The following ULK2 variants were observed in gnomAD, a reference collection of about 807,000 sequenced individuals.
ULK2 encodes unc-51 like autophagy activating kinase 2, also known as serine/threonine-protein kinase ULK2.
A neutral mutation model predicts 127.5 loss-of-function variants in ULK2; 76 were observed. The observed-to-expected ratio is 0.60, with a 90% CI of 0.50 to 0.72. ULK2 has a LOEUF of 0.72. Among genes scored for constraint, ULK2 ranks in the 30% least tolerant of loss-of-function variants. ULK2 has a pLI of 0.00. For missense variants in ULK2, 1,144 were observed against 1,295.9 expected (o/e 0.88, Z 1.80); for synonymous variants, 452 against 461.9 (o/e 0.98, Z 0.28).
At position 19,785,984 on chromosome 17, in the gene ULK2, G is replaced by T. The variant is rs763440812; in HGVS notation, c.2204C>A (p.Ala735Glu). The change falls in exon 21 of 27, where the codon GCA (alanine) becomes GAA (glutamate). Residue 735 changes from alanine to glutamate, a missense_variant. Physicochemically the swap from Ala to Glu is moderately radical, Grantham distance 107 (BLOSUM62 -1). Coordinates refer to ENST00000395544, the MANE Select transcript of ULK2 (RefSeq NM_014683.4). The stretch of plus-strand genomic sequence containing the variant: ...GAACATGTGGGTACAAGTGGGGGCT[G>T]CCGCACTGTGTGGAGGAGACCCTAC... ...FTVGSPPHSAAAPTCTHMFLR... is the reference protein window; with the variant it reads ...FTVGSPPHSAEAPTCTHMFLR... 1 of 1,596,042 alleles carries T rather than the reference G, an allele frequency of 6.3e-7. No individual in the cohort carries two copies.
At chr17:19,856,602 T>C (rs966811664) in intron 3 of ULK2, among the ~76,000 whole-genome samples, 3 of 149,850 alleles carry the variant, frequency 2.0e-5, no homozygotes, top group South Asian at 2.1e-4. Flanking sequence ...AAAAAAAAGT[T>C]TGAAATTCAC....
intron 16 of ULK2, 25 bp downstream of exon 16, chr17:19,801,752 A>G: frequency 6.2e-7 from 1 of 1,607,550 alleles, no homozygotes; most frequent in Non-Finnish European, 8.5e-7. Flanking sequence ...AAGGTTGAAA[A>G]CAACTGTTTT....
rs12452420 is a variant in ULK2, at chr17:19,836,818, T to A, written c.787+1683A>T. Among the ~76,000 whole-genome samples, 3 of 150,452 alleles carry A rather than the reference T, an allele frequency of 2.0e-5. No individual in the cohort carries two copies. In the East Asian group the frequency reaches 5.9e-4, roughly 30 times the overall value. On this transcript the variant is annotated intron_variant, in intron 10 of 26. Transcript: ENST00000395544. ...CTACTCGGGAGGCTGAGGCAGAGAA[T>A]TGCCTGAACCCAGGAGGCGGAAGTT...
At chr17:19,826,818 A>G (rs1046653932) in intron 10 of ULK2, among the ~76,000 whole-genome samples, 7 of 152,118 alleles carry the variant, frequency 4.6e-5, no homozygotes, top group Non-Finnish European at 8.8e-5. Flanking sequence ...TTAGCTGGGC[A>G]TGGCGGCCGG....
intron 7 of ULK2, 85 bp from the exon 8 acceptor site, chr17:19,843,307 C>T (rs180779019): frequency 1.2e-6 from 1 of 856,716 alleles, no homozygotes; most frequent in African/African-American, 1.8e-5. Context: ...AAAGGTGACA[C>T]TTCTAACAAA....
intron 26 of ULK2, among the ~76,000 whole-genome samples, chr17:19,776,904 G>C (rs1163050072): frequency 6.6e-6 from 1 of 152,102 alleles, no homozygotes; most frequent in African/African-American, 2.4e-5. Context: ...ACGAACACTT[G>C]CCAACAAAGT....
chr17:19,798,564 C>A (rs1472028707), intron 17 of ULK2, among the ~76,000 whole-genome samples: 1 of 152,196 alleles, frequency 6.6e-6, no homozygotes, highest in East Asian at 1.9e-4. Context: ...TTGCTATTGA[C>A]CACTTCTGGC....
At chr17:19,813,783 T>C (rs2040899887) in intron 13 of ULK2, among the ~76,000 whole-genome samples, 1 of 152,106 alleles carries the variant, frequency 6.6e-6, no homozygotes, top group Admixed American at 6.6e-5. Flanking sequence ...TAAAAATGTA[T>C]CAAAACACAT....
At chr17:19,812,342 C>T (rs1333271181) in intron 13 of ULK2, among the ~76,000 whole-genome samples, 3 of 152,094 alleles carry the variant, frequency 2.0e-5, no homozygotes, top group African/African-American at 2.4e-5. Flanking sequence ...TTTATTTCAC[C>T]GTAGTAACCA....
intron 20 of ULK2, among the ~76,000 whole-genome samples, chr17:19,792,058 T>C (rs1043201882): frequency 2.6e-5 from 4 of 151,906 alleles, no homozygotes; most frequent in Non-Finnish European, 5.9e-5. Context: ...ATACTAAACC[T>C]ATGGGATTAC....
At chr17:19,810,467 C>T (rs377006490) in intron 13 of ULK2, 29 bp from the exon 14 acceptor site, 43 of 1,447,846 alleles carry the variant, frequency 3.0e-5, no homozygotes, top group Non-Finnish European at 4.0e-5. Flanking sequence ...CAATCAGTTC[C>T]TGTTATACCA....
chr17:19,776,375 GC>G lies in ULK2; in HGVS notation c.3084del (p.Leu1029SerfsTer41), dbSNP rs1351107814. ...CACACGGTTGCGGTGCTATGGCAGAGCGCCGACAGTCTTCTCTCAATACTAC... is the reference window on the plus strand; with the variant it reads ...CACACGGTTGCGGTGCTATGGCAGAGGCCGACAGTCTTCTCTCAATACTAC... ...YKCSIERRLS[A>X]LCHSTATV On this transcript the variant is annotated frameshift_variant, in exon 27 of 27. Transcript: ENST00000395544. LOFTEE classifies it high-confidence loss of function. 1 of 1,605,540 alleles carries G rather than the reference GC, an allele frequency of 6.2e-7. No homozygotes were observed. Among genetic ancestry groups the G allele is most frequent in the African/African-American group, 1.3e-5 (1 of 74,676 alleles).
chr17:19,845,264 G>A, intron 7 of ULK2, 40 bp downstream of exon 7: 2 of 1,540,746 alleles, frequency 1.3e-6, no homozygotes, highest in Non-Finnish European at 9.0e-7. Flanking sequence ...TGATTATGGA[G>A]CCATGCTTTA....
At chr17:19,861,472 G>T (rs1231456959) in intron 3 of ULK2, among the ~76,000 whole-genome samples, 1 of 152,098 alleles carries the variant, frequency 6.6e-6, no homozygotes, top group African/African-American at 2.4e-5. Context: ...GTGAACCCAG[G>T]AGGCGAAGCT....
chr17:19,861,312 C>T (rs1156262093), intron 3 of ULK2, among the ~76,000 whole-genome samples: 1 of 152,008 alleles, frequency 6.6e-6, no homozygotes, highest in African/African-American at 2.4e-5. Flanking sequence ...TTTGGGAGGC[C>T]GAGGTGGGCG....
At chr17:19,859,974 C>T (rs556588887) in intron 3 of ULK2, among the ~76,000 whole-genome samples, 20 of 152,254 alleles carry the variant, frequency 1.3e-4, no homozygotes, top group African/African-American at 4.8e-4. Flanking sequence ...CCATGCCTGG[C>T]TCATAATTGG....
intron 10 of ULK2, among the ~76,000 whole-genome samples, chr17:19,837,370 A>T (rs2041624367): frequency 6.6e-6 from 1 of 151,994 alleles, no homozygotes; most frequent in South Asian, 2.1e-4. Context: ...GCAGTGAGCC[A>T]TGATAGTACC....
chr17:19,816,261 C>CCA (rs1373041568), intron 13 of ULK2, among the ~76,000 whole-genome samples: 1 of 152,122 alleles, frequency 6.6e-6, no homozygotes, highest in Non-Finnish European at 1.5e-5. Flanking sequence ...TTTTCTGGTA[C>CCA]CCTTCACTAT....
At chr17:19,795,978 A>G in intron 19 of ULK2, 117 bp downstream of exon 19, 1 of 1,386,746 alleles carries the variant, frequency 7.2e-7, no homozygotes, top group Admixed American at 2.4e-5. Context: ...CATATCAATA[A>G]CCATATGGCA....
Sources: allele counts gnomAD v4.1 joint callset (sites outside exome capture counted in the v4.1 genomes callset), GRCh38; gene constraint gnomAD v4.1.1; transcripts MANE v1.5; gene names NCBI Gene and HGNC (gene_info 2026-07-23, HGNC 2026-07-21).